The following ADAM12 variants were observed in gnomAD, a reference collection of about 807,000 sequenced individuals.
ADAM12 encodes the protein disintegrin and metalloproteinase domain-containing protein 12.
A neutral mutation model predicts 106.4 loss-of-function variants in ADAM12; 70 were observed. The ratio of observed to expected loss-of-function variants is 0.66; its 90% CI spans 0.54 to 0.80. The LOEUF is 0.80. Ranked by LOEUF, ADAM12 falls within the 30% of genes least tolerant of loss-of-function variation. The pLI is 0.00. For synonymous variants in ADAM12, 420 were observed against 433.5 expected (o/e 0.97, Z 0.39); for missense variants, 1,010 against 1,171.9 (o/e 0.86, Z 2.02).
chr10:126,344,416 G>C (rs1187243744), intron 1 of ADAM12, among the ~76,000 whole-genome samples: 1 of 152,164 alleles, frequency 6.6e-6, no homozygotes, highest in African/African-American at 2.4e-5. Flanking sequence ...TGCTGTTTTG[G>C]TTACTATAGC....
chr10:126,172,798 A>G (rs1460122988), intron 3 of ADAM12, among the ~76,000 whole-genome samples: 1 of 152,240 alleles, frequency 6.6e-6, no homozygotes, highest in East Asian at 1.9e-4. Context: ...CTATAAAGAC[A>G]CATGCACACG....
chr10:126,229,284 T>C (rs113752973), intron 3 of ADAM12, among the ~76,000 whole-genome samples: 9,790 of 152,204 alleles, frequency 0.064, 1,004 homozygotes, highest in African/African-American at 0.21. Flanking sequence ...ATTTGCCTTT[T>C]GAGAAAAAGC....
chr10:126,053,653 C>A lies in ADAM12; in HGVS notation c.1610-3984G>T, dbSNP rs1419792499. 2.0e-5 allele frequency among the ~76,000 whole-genome samples: 3 copies of A among 151,854 alleles called. No homozygotes were observed. Among genetic ancestry groups the A allele is most frequent in the Non-Finnish European group, 4.4e-5 (3 of 67,912 alleles). On this transcript the variant is annotated intron_variant, in intron 14 of 22. Transcript: ENST00000448723. This position sits in a 1 kb window ranked among gnomAD's most constrained non-coding sequence, Gnocchi z 4.6. The stretch of plus-strand genomic sequence containing the variant: ...AATTTAGATTGTCTTAAAAAAAAAA[C>A]CTCTCCCACACCGTGGAACAATTTT...
intron 2 of ADAM12, among the ~76,000 whole-genome samples, chr10:126,318,208 C>T (rs1853955034): frequency 6.6e-6 from 1 of 152,162 alleles, no homozygotes. Flanking sequence ...AACACACACA[C>T]ACACTCAACA....
intron 21 of ADAM12, among the ~76,000 whole-genome samples, chr10:126,035,671 A>G (rs760179537): frequency 1.3e-5 from 2 of 152,128 alleles, no homozygotes; most frequent in Non-Finnish European, 2.9e-5. Context: ...TAAAAATGAG[A>G]TGATATACAT....
chr10:126,101,663 G>A (rs1274061055), intron 8 of ADAM12, among the ~76,000 whole-genome samples: 2 of 152,250 alleles, frequency 1.3e-5, no homozygotes, highest in East Asian at 3.9e-4. Context: ...TGTTCATTTT[G>A]AGCAAAATGT....
At chr10:126,341,386 A>C (rs1854926898) in intron 1 of ADAM12, among the ~76,000 whole-genome samples, 1 of 152,188 alleles carries the variant, frequency 6.6e-6, no homozygotes, top group African/African-American at 2.4e-5. Flanking sequence ...CCATGGCCTC[A>C]TTGTGATCAT....
intron 13 of ADAM12, 91 bp from the exon 14 acceptor site, chr10:126,065,092 A>G (rs1170889831): frequency 1.2e-5 from 16 of 1,339,764 alleles, no homozygotes; most frequent in East Asian, 5.0e-5. Flanking sequence ...GGACAAGGCC[A>G]TAAGTCCCAC....
chr10:126,024,851 CAA>C (rs11392876), intron 21 of ADAM12, among the ~76,000 whole-genome samples: 14 of 146,146 alleles, frequency 9.6e-5, no homozygotes, highest in African/African-American at 3.5e-4. Context: ...ACATGGAGAA[CAA>C]AAAAAAAAAG....
At chr10:126,035,765 TGAGA>T (rs1409843884) in intron 21 of ADAM12, among the ~76,000 whole-genome samples, 1 of 152,204 alleles carries the variant, frequency 6.6e-6, no homozygotes. Context: ...AATAAAATGA[TGAGA>T]GAGTATAACT....
intron 4 of ADAM12, among the ~76,000 whole-genome samples, chr10:126,148,048 A>C (rs1023144972): frequency 3.3e-5 from 5 of 152,172 alleles, no homozygotes; most frequent in Admixed American, 2.6e-4. Flanking sequence ...GGCCTTATTA[A>C]AAGTAACAAT....
chr10:126,352,211 G>T (rs998895054), intron 1 of ADAM12, among the ~76,000 whole-genome samples: 3 of 152,280 alleles, frequency 2.0e-5, no homozygotes, highest in African/African-American at 7.2e-5. Context: ...CCAGCCACTG[G>T]CTCTCTGCCC....
At chr10:126,382,518 C>T in intron 1 of ADAM12, among the ~76,000 whole-genome samples, 1 of 152,206 alleles carries the variant, frequency 6.6e-6, no homozygotes, top group East Asian at 1.9e-4. Context: ...AGTGAAATCG[C>T]CTTGGCAGGA....
intron 5 of ADAM12, among the ~76,000 whole-genome samples, chr10:126,127,951 A>G (rs1956232759): frequency 6.6e-6 from 1 of 152,170 alleles, no homozygotes; most frequent in Non-Finnish European, 1.5e-5. Flanking sequence ...AAAAAACAGC[A>G]TGGCGGGAAT....
intron 3 of ADAM12, among the ~76,000 whole-genome samples, chr10:126,255,040 G>A (rs966534129): frequency 2.6e-5 from 4 of 152,142 alleles, no homozygotes; most frequent in East Asian, 3.9e-4. Context: ...CTCGGAGCAC[G>A]GCTTTCCTGC....
intron 2 of ADAM12, among the ~76,000 whole-genome samples, chr10:126,324,919 T>C (rs1854238955): frequency 6.6e-6 from 1 of 151,960 alleles, no homozygotes; most frequent in Non-Finnish European, 1.5e-5. Flanking sequence ...TCGTAACACC[T>C]GATACAGCGG....
intron 3 of ADAM12, among the ~76,000 whole-genome samples, chr10:126,239,598 T>C (rs1709008553): frequency 6.6e-6 from 1 of 152,166 alleles, no homozygotes; most frequent in Non-Finnish European, 1.5e-5. Flanking sequence ...TGACATTTAT[T>C]TAGGTCGTTA....
In ADAM12 at chr10:126,053,870, T is replaced by G. The variant is rs1030313542; in HGVS notation, c.1610-4201A>C. ...ACAGGTGCCCACCACCACGACTGGCTAATATTTTGTATTTTTAGTAGAGAT... is the reference window on the plus strand; with the variant it reads ...ACAGGTGCCCACCACCACGACTGGCGAATATTTTGTATTTTTAGTAGAGAT... On this transcript the variant is annotated intron_variant, in intron 14 of 22. Transcript: ENST00000448723. The surrounding 1 kb of genome is among the most constrained non-coding windows in gnomAD (Gnocchi z 4.6). Among the ~76,000 whole-genome samples the G allele has an allele frequency of 1.3e-5, 2 of 152,086 alleles. No homozygotes were observed. Among genetic ancestry groups the G allele is most frequent in the African/African-American group, 4.8e-5 (2 of 41,404 alleles).
At chr10:126,370,267 T>C (rs965852232) in intron 1 of ADAM12, among the ~76,000 whole-genome samples, 14 of 152,232 alleles carry the variant, frequency 9.2e-5, no homozygotes, top group African/African-American at 2.9e-4. Context: ...GGTGTGATAG[T>C]AAGCCACTAA....
Sources: allele counts gnomAD v4.1 joint callset (sites outside exome capture counted in the v4.1 genomes callset), GRCh38; gene constraint gnomAD v4.1.1; non-coding constraint Gnocchi (gnomAD v3.1); transcripts MANE v1.5; gene names NCBI Gene and HGNC (gene_info 2026-07-23, HGNC 2026-07-21).